The following ADGRL4 variants were observed in gnomAD, a reference collection of about 807,000 sequenced individuals.
ADGRL4 encodes the protein EGF, latrophilin and seven transmembrane domain containing 1.
ADGRL4 carries 90 observed loss-of-function variants against 74.8 expected under a neutral mutation model. The ratio of observed to expected loss-of-function variants is 1.20; its 90% CI spans 1.02 to 1.43. The LOEUF (loss-of-function observed/expected upper bound fraction) is 1.43. ADGRL4 is among the 40% of genes most tolerant of loss of function. ADGRL4 has a pLI of 0.00. For synonymous variants in ADGRL4, 311 were observed against 279.2 expected, an observed-to-expected ratio of 1.11 and a Z score of -1.14; for missense variants, 881 against 814.3, an observed-to-expected ratio of 1.08 and a Z score of -1.00.
chr1:78,973,405 C>T (rs1207771409), intron 2 of ADGRL4, among the ~76,000 whole-genome samples: 3 of 151,548 alleles, frequency 2.0e-5, no homozygotes, highest in African/African-American at 7.3e-5. Context: ...AAACGTTTCA[C>T]ATAAGCATAT....
intron 2 of ADGRL4, among the ~76,000 whole-genome samples, chr1:78,998,073 C>T (rs1650755230): frequency 6.6e-6 from 1 of 152,124 alleles, no homozygotes; most frequent in South Asian, 2.1e-4. Context: ...CAAACAATCA[C>T]CTAGATTTCT....
intron 12 of ADGRL4, among the ~76,000 whole-genome samples, chr1:78,916,499 G>A (rs1648875798): frequency 6.6e-6 from 1 of 151,824 alleles, no homozygotes; most frequent in Admixed American, 6.6e-5. Flanking sequence ...ACTTGTTTTA[G>A]CTTAAATCTT....
intron 8 of ADGRL4, among the ~76,000 whole-genome samples, chr1:78,922,867 T>C (rs1327304139): frequency 6.6e-6 from 1 of 152,006 alleles, no homozygotes; most frequent in African/African-American, 2.4e-5. Context: ...TAATATATAC[T>C]GTTCAAGGAG....
rs745539592 is a variant in ADGRL4 at position 78,917,680 on chromosome 1, T to A, written c.1703A>T (p.Asn568Ile). Reference sequence around the variant, plus strand: ...TCCTATAAAACTCCAAATAAAGTTGTTTTCGGTGCTAAGCCAACATCTGAA... The same window carrying A: ...TCCTATAAAACTCCAAATAAAGTTGATTTCGGTGCTAAGCCAACATCTGAA... ...TTKVCWLSTENNFIWSFIGPA... is the reference protein window; with the variant it reads ...TTKVCWLSTEINFIWSFIGPA... The change falls in exon 12 of 15, where the codon AAC (asparagine) becomes ATC (isoleucine). Residue 568 changes from asparagine to isoleucine, a missense_variant. Physicochemically the swap from Asn to Ile is moderately radical, Grantham distance 149. Coordinates refer to ENST00000370742, the MANE Select transcript of ADGRL4 (RefSeq NM_022159.4). 1.2e-6 allele frequency: 2 copies of A among 1,608,070 alleles called. No individual in the cohort carries two copies. Among genetic ancestry groups the A allele is most frequent in the Non-Finnish European group, 1.7e-6 (2 of 1,177,014 alleles).
At chr1:78,935,802 T>C (rs1259346097) in intron 7 of ADGRL4, among the ~76,000 whole-genome samples, 1 of 152,162 alleles carries the variant, frequency 6.6e-6, no homozygotes, top group East Asian at 1.9e-4. Context: ...CAGGTATTTA[T>C]AACAGAATGG....
At chr1:78,978,760 G>A (rs1650342753) in intron 2 of ADGRL4, among the ~76,000 whole-genome samples, 1 of 151,930 alleles carries the variant, frequency 6.6e-6, no homozygotes, top group Non-Finnish European at 1.5e-5. Flanking sequence ...TCTTTCACCA[G>A]TTAGAAGATT....
At chr1:78,955,335 C>A (rs1649806139) in intron 2 of ADGRL4, among the ~76,000 whole-genome samples, 1 of 152,092 alleles carries the variant, frequency 6.6e-6, no homozygotes, top group Non-Finnish European at 1.5e-5. Flanking sequence ...ACTATTGCCT[C>A]TCACTGATAT....
intron 12 of ADGRL4, among the ~76,000 whole-genome samples, chr1:78,911,073 T>C (rs544875608): frequency 5.9e-5 from 9 of 151,972 alleles, no homozygotes; most frequent in Non-Finnish European, 8.8e-5. Context: ...TACTGATTTA[T>C]ATATTACCTC....
intron 2 of ADGRL4, among the ~76,000 whole-genome samples, chr1:78,994,983 A>C (rs1354069651): frequency 3.9e-5 from 6 of 152,206 alleles, no homozygotes; most frequent in Admixed American, 3.9e-4. Context: ...TGCAACACAA[A>C]GATCAGTTTC....
intron 12 of ADGRL4, among the ~76,000 whole-genome samples, chr1:78,896,320 T>C (rs1040050950): frequency 6.6e-5 from 10 of 152,178 alleles, no homozygotes; most frequent in African/African-American, 2.4e-4. Flanking sequence ...AGGTACTTCC[T>C]AAACCTTCAT....
chr1:78,978,629 C>T (rs113499870), intron 2 of ADGRL4, among the ~76,000 whole-genome samples: 27 of 150,454 alleles, frequency 1.8e-4, no homozygotes, highest in Admixed American at 1.4e-3. Flanking sequence ...TTTTACCATA[C>T]GCACAAGAGC....
rs772231737 is a variant in ADGRL4 at position 78,920,322 on chromosome 1, C to T, written c.1322G>A (p.Cys441Tyr). The T allele has an allele frequency of 6.2e-7, 1 of 1,609,594 alleles. No individual in the cohort carries two copies. The highest frequency in any genetic ancestry group is 8.5e-7 in the Non-Finnish European group (1 of 1,176,762). Residue 441 changes from cysteine to tyrosine, a missense_variant, in exon 10 of 15, where the codon TGT (cysteine) becomes TAT (tyrosine). By Grantham distance (194) the Cys-to-Tyr change is radical (BLOSUM62 -2). Transcript: ENST00000370742. ...GAAGGTAAAAATGCATATGGCAAGA[C>T]AAATCAGTGAAATAATTATTCCTAG... ...TQLGIIISLICLAICIFTFWF... is the reference protein window; with the variant it reads ...TQLGIIISLIYLAICIFTFWF...
chr1:78,908,700 A>G (rs1648694292), intron 12 of ADGRL4, among the ~76,000 whole-genome samples: 1 of 151,990 alleles, frequency 6.6e-6, no homozygotes, highest in South Asian at 2.1e-4. Context: ...ATTATGTAAC[A>G]TCCTTCAATG....
intron 2 of ADGRL4, among the ~76,000 whole-genome samples, chr1:79,004,299 G>A (rs936872473): frequency 5.3e-5 from 8 of 151,886 alleles, no homozygotes; most frequent in East Asian, 1.9e-4. Context: ...TACACAGGAC[G>A]TTGGTCTATG....
At chr1:78,980,197 C>CA (rs1491164631) in intron 2 of ADGRL4, among the ~76,000 whole-genome samples, 2,260 of 151,328 alleles carry the variant, frequency 0.015, 57 homozygotes, top group African/African-American at 0.053. Flanking sequence ...CACACACACA[C>CA]CCACACACCA....
chr1:78,965,080 T>C (rs1249695181), intron 2 of ADGRL4, among the ~76,000 whole-genome samples: 1 of 152,048 alleles, frequency 6.6e-6, no homozygotes, highest in African/African-American at 2.4e-5. Flanking sequence ...AAAACAGAAA[T>C]GTACCAAATT....
At chr1:78,898,716 A>G (rs774469210) in intron 12 of ADGRL4, among the ~76,000 whole-genome samples, 2 of 152,110 alleles carry the variant, frequency 1.3e-5, no homozygotes, top group Admixed American at 6.6e-5. Flanking sequence ...ATAAAGCAAT[A>G]TTTTAAATTT....
Position 78,890,900 on chromosome 1 carries a change from A to G in ADGRL4, c.*254T>C. ...CAGTGATATCACTCCTGAGAAACCA[A>G]TTACTTTCCAAATATCTGCAATACT... On this transcript the variant is annotated 3_prime_UTR_variant, in exon 15 of 15. Coordinates refer to ENST00000370742, the MANE Select transcript of ADGRL4 (RefSeq NM_022159.4). 6.6e-6 allele frequency: 3 copies of G among 455,778 alleles called. No individual in the cohort carries two copies. The highest frequency in any genetic ancestry group is 4.0e-6 in the Non-Finnish European group (1 of 250,406). 28.2% of individuals were successfully genotyped at this position (455,778 alleles called of 1,614,324 possible).
At position 78,925,582 on chromosome 1, in the gene ADGRL4, T is replaced by C. The variant is rs544304227; in HGVS notation, c.1083+1304A>G. On this transcript the variant is annotated intron_variant, in intron 8 of 14. Transcript: ENST00000370742. ...CTCAGGGGAAAAAATGGGAGCGAAATTTCATTCTCAGAGCAAGGGAACCAG... is the reference window on the plus strand; with the variant it reads ...CTCAGGGGAAAAAATGGGAGCGAAACTTCATTCTCAGAGCAAGGGAACCAG... Among the ~76,000 whole-genome samples the C allele has an allele frequency of 2.6e-5, 4 of 152,022 alleles. No homozygotes were observed. The South Asian group carries it at 8.3e-4, about 32-fold the overall frequency.
Sources: gnomAD v4.1 joint callset for allele counts (sites outside exome capture counted in the v4.1 genomes callset) on GRCh38, gnomAD v4.1.1 for gene constraint, MANE v1.5 for transcripts, NCBI Gene and HGNC (gene_info 2026-07-23, HGNC 2026-07-21) for gene names.